The following ERC2 variants were observed in gnomAD, a reference collection of about 807,000 sequenced individuals.
ERC2 encodes ERC protein 2.
Under a neutral mutation model 114.8 loss-of-function variants are expected in ERC2, and 42 were observed. The ratio of observed to expected loss-of-function variants is 0.37; its 90% CI spans 0.29 to 0.47. ERC2 has a LOEUF of 0.47. Ranked by LOEUF, ERC2 falls within the 20% of genes least tolerant of loss-of-function variation. The pLI is 0.99. For synonymous variants in ERC2, 454 were observed against 425.5 expected (o/e 1.07, Z -0.82); for missense variants, 939 against 1,150.7 (o/e 0.82, Z 2.66).
chr3:55,736,682 A>ATTTT, intron 14 of ERC2, among the ~76,000 whole-genome samples: 1 of 152,192 alleles, frequency 6.6e-6, no homozygotes, highest in South Asian at 2.1e-4. Flanking sequence ...AGGTAAGTTC[A>ATTTT]TTTTTTACTT....
intron 15 of ERC2, among the ~76,000 whole-genome samples, chr3:55,724,754 T>C (rs1162909928): frequency 6.6e-6 from 1 of 152,166 alleles, no homozygotes; most frequent in Non-Finnish European, 1.5e-5. Flanking sequence ...TGAAGCAATG[T>C]CAGTCTAATA....
intron 17 of ERC2, among the ~76,000 whole-genome samples, chr3:55,546,194 C>G (rs1402887554): frequency 6.6e-6 from 1 of 152,174 alleles, no homozygotes; most frequent in Non-Finnish European, 1.5e-5. Context: ...AGAGGCTCTG[C>G]TCGGCACTTC....
At chr3:56,459,775 C>A (rs1294745122) in intron 1 of ERC2, among the ~76,000 whole-genome samples, 1 of 152,292 alleles carries the variant, frequency 6.6e-6, no homozygotes, top group East Asian at 1.9e-4. Context: ...AAGGTTCTTC[C>A]TGCCTTTATT....
chr3:55,525,708 G>T (rs1255261933), intron 17 of ERC2, among the ~76,000 whole-genome samples: 1 of 151,480 alleles, frequency 6.6e-6, no homozygotes, highest in African/African-American at 2.5e-5. Context: ...GCCAGGCCAC[G>T]TGGGACTTTA....
At chr3:55,566,222 A>C (rs1485472509) in intron 17 of ERC2, among the ~76,000 whole-genome samples, 1 of 152,206 alleles carries the variant, frequency 6.6e-6, no homozygotes, top group Non-Finnish European at 1.5e-5. Flanking sequence ...CCTATCTGCG[A>C]TTGTATAGGT....
chr3:55,851,200 G>A (rs1321930348), intron 14 of ERC2, among the ~76,000 whole-genome samples: 8 of 138,006 alleles, frequency 5.8e-5, no homozygotes, highest in Non-Finnish European at 9.6e-5. Flanking sequence ...AGCCCATGCT[G>A]GGAGTTGGTG....
chr3:55,726,128 G>C (rs930878519), intron 15 of ERC2, among the ~76,000 whole-genome samples: 1 of 152,212 alleles, frequency 6.6e-6, no homozygotes, highest in African/African-American at 2.4e-5. Context: ...GATGTGGCTA[G>C]ATTCTACCGG....
In ERC2 at chr3:56,026,591, G is replaced by C. The variant is rs142010968; in HGVS notation, c.1642-7560C>G. Among the ~76,000 whole-genome samples, 618 of 152,244 alleles carry C rather than the reference G, an allele frequency of 4.1e-3. 4 individuals carry two copies. Among genetic ancestry groups the C allele is most frequent in the Non-Finnish European group, 6.0e-3 (405 of 68,010 alleles). Reference sequence around the variant, plus strand: ...TCTATTAAGTGATTCCTACAAGCCAGGCACTGTACTAAAAGCTTTCTTTTT... The same window carrying C: ...TCTATTAAGTGATTCCTACAAGCCACGCACTGTACTAAAAGCTTTCTTTTT... On this transcript the variant is annotated intron_variant, in intron 7 of 17. Coordinates refer to ENST00000288221, the MANE Select transcript of ERC2 (RefSeq NM_015576.3).
intron 14 of ERC2, among the ~76,000 whole-genome samples, chr3:55,819,003 C>A (rs2149146967): frequency 6.6e-6 from 1 of 152,284 alleles, no homozygotes; most frequent in Non-Finnish European, 1.5e-5. Context: ...GGCACTGGTG[C>A]AAGCTAGTGT....
At chr3:56,200,568 C>A (rs1424931776) in intron 3 of ERC2, among the ~76,000 whole-genome samples, 19 of 152,112 alleles carry the variant, frequency 1.2e-4, no homozygotes, top group Non-Finnish European at 2.5e-4. Flanking sequence ...TATCTGAGAG[C>A]CTAGCAATTA....
chr3:55,559,663 G>T (rs1575583782), intron 17 of ERC2, among the ~76,000 whole-genome samples: 2 of 152,228 alleles, frequency 1.3e-5, no homozygotes, highest in African/African-American at 4.8e-5. Context: ...TCCCCATGGA[G>T]CGGCCTCAGA....
At chr3:56,204,378 G>T (rs9843455) in intron 3 of ERC2, among the ~76,000 whole-genome samples, 4,437 of 152,122 alleles carry the variant, frequency 0.029, 70 homozygotes, top group Middle Eastern at 0.058. Context: ...CTTTTGCTCT[G>T]CTAACTATGT....
In ERC2 at chr3:56,007,262, C is replaced by T; in HGVS notation, c.1980G>A (p.Arg660=). The change falls in exon 10 of 18, where the codon AGG becomes AGA. Residue 660 remains arginine (R), a synonymous_variant. Coordinates refer to ENST00000288221, the MANE Select transcript of ERC2 (RefSeq NM_015576.3). ...TTTCTAGAGATTTTAATTTGGAATCCCTTTTCAGCCCCGCAGAGGCTAATG... is the reference window on the plus strand; with the variant it reads ...TTTCTAGAGATTTTAATTTGGAATCTCTTTTCAGCCCCGCAGAGGCTAATG... ...ASSLASAGLK[R]DSKLKSLEIA... 6.3e-7 allele frequency: 1 copy of T among 1,593,130 alleles called. No homozygotes were observed. The highest frequency in any genetic ancestry group is 8.6e-7 in the Non-Finnish European group (1 of 1,168,680).
chr3:55,683,857 A>G lies in ERC2; in HGVS notation c.2850T>C (p.Asp950=), dbSNP rs1467259864. Residue 950 remains aspartate, a splice_region_variant and synonymous_variant, in exon 17 of 18, where the codon GAT becomes GAC. Coordinates refer to ENST00000288221, the MANE Select transcript of ERC2 (RefSeq NM_015576.3). ...HSNHRPSPDQ[D]DEEGIWA is the part of the protein sequence containing the mutation. Reference sequence around the variant, plus strand: ...GCTATGCCCATATGCCCTCCTCGTCATCCTGCGGCCGGCCCGAGGTGGGGA... The same window carrying G: ...GCTATGCCCATATGCCCTCCTCGTCGTCCTGCGGCCGGCCCGAGGTGGGGA... 6.2e-7 allele frequency: 1 copy of G among 1,612,594 alleles called. No homozygotes were observed. The highest frequency in any genetic ancestry group is 2.2e-5 in the East Asian group (1 of 44,738).
chr3:56,009,333 A>T (rs6782638), intron 9 of ERC2, among the ~76,000 whole-genome samples: 55,912 of 152,116 alleles, frequency 0.37, 11,347 homozygotes, highest in East Asian at 0.52. Flanking sequence ...CATTCTTTAT[A>T]TTCATAACAA....
chr3:55,677,112 C>G (rs2061849226), intron 17 of ERC2, among the ~76,000 whole-genome samples: 1 of 152,220 alleles, frequency 6.6e-6, no homozygotes, highest in South Asian at 2.1e-4. Context: ...ATCCTTTTCT[C>G]TCTTCCAATT....
chr3:56,306,918 A>T (rs2056261925), intron 2 of ERC2, among the ~76,000 whole-genome samples: 1 of 152,210 alleles, frequency 6.6e-6, no homozygotes, highest in Admixed American at 6.5e-5. Flanking sequence ...AGTACACACA[A>T]ATCATAACTT....
intron 3 of ERC2, among the ~76,000 whole-genome samples, chr3:56,222,987 A>C (rs374679257): frequency 1.1e-4 from 16 of 152,236 alleles, no homozygotes; most frequent in African/African-American, 3.9e-4. Context: ...TCCTCCCTCT[A>C]TCTGCTCAGG....
chr3:56,396,157 T>C (rs932291372), intron 2 of ERC2, among the ~76,000 whole-genome samples: 5 of 152,208 alleles, frequency 3.3e-5, no homozygotes, highest in Admixed American at 1.3e-4. Context: ...TATTAAAAAT[T>C]TTCATGTTCA....
Sources: allele counts gnomAD v4.1 joint callset (sites outside exome capture counted in the v4.1 genomes callset), GRCh38; gene constraint gnomAD v4.1.1; transcripts MANE v1.5; gene names NCBI Gene and HGNC (gene_info 2026-07-23, HGNC 2026-07-21).